SCN4A: variants seen among roughly 807,000 people sequenced by gnomAD.
The protein encoded by SCN4A is sodium voltage-gated channel alpha subunit 4.
In SCN4A, 83 loss-of-function variants were observed where a neutral mutation model predicts 162.0. The ratio of observed to expected loss-of-function variants is 0.51; its 90% CI spans 0.43 to 0.61. The LOEUF (loss-of-function observed/expected upper bound fraction) is 0.61, where lower values mean the gene tolerates loss of function less well. SCN4A is among the 20% of genes least tolerant of loss of function. The probability of loss-of-function intolerance (pLI) is 0.00; values close to 1 mark genes in which losing one functional copy is unlikely to be tolerated. For synonymous variants in SCN4A, 944 were observed against 985.1 expected (o/e 0.96, Z 0.78); for missense variants, 2,196 against 2,462.5 (o/e 0.89, Z 2.29).
chr17:63,968,730 A>T (rs1909532014), intron 5 of SCN4A, among the ~76,000 whole-genome samples: 1 of 152,226 alleles, frequency 6.6e-6, no homozygotes, highest in Admixed American at 6.5e-5. Flanking sequence ...GGGGGCGTTG[A>T]TAATGTTTGG....
intron 23 of SCN4A, among the ~76,000 whole-genome samples, chr17:63,942,383 T>C (rs898425444): frequency 6.6e-6 from 1 of 152,132 alleles, no homozygotes; most frequent in Admixed American, 6.5e-5. Flanking sequence ...TGTGCCTCAA[T>C]TTCCTTACCT....
At chr17:63,947,009 TC>T in intron 18 of SCN4A, 35 bp downstream of exon 18, 5 of 716,392 alleles carry the variant, frequency 7.0e-6, no homozygotes. Flanking sequence ...CGGTCCCCCA[TC>T]CCCAGCCCAC....
In SCN4A at chr17:63,944,944, C is replaced by G. The variant is rs1448727301; in HGVS notation, c.3774+63G>C. On this transcript the variant is annotated intron_variant, in intron 20 of 23. Coordinates refer to ENST00000435607, the MANE Select transcript of SCN4A (RefSeq NM_000334.4). This position sits in a 1 kb window ranked among gnomAD's most constrained non-coding sequence, Gnocchi z 4.3. ...GGACAGAACGTGCTGCCAAGTCTCCCTCCTGTCTTGAGTCCTCTTCCCTGG... is the reference window on the plus strand; with the variant it reads ...GGACAGAACGTGCTGCCAAGTCTCCGTCCTGTCTTGAGTCCTCTTCCCTGG... The G allele has an allele frequency of 5.6e-6, 9 of 1,596,566 alleles. No individual in the cohort carries two copies. In the Admixed American group the frequency reaches 1.5e-4, roughly 27 times the overall value.
At chr17:63,971,676 C>A in intron 4 of SCN4A, 46 bp downstream of exon 4, 1 of 1,540,078 alleles carries the variant, frequency 6.5e-7, no homozygotes, top group South Asian at 1.2e-5. Context: ...CTGGCCCCCT[C>A]CCCTCACCCA....
intron 13 of SCN4A, 26 bp downstream of exon 13, chr17:63,957,136 G>T: frequency 6.7e-7 from 1 of 1,502,718 alleles, no homozygotes; most frequent in Non-Finnish European, 9.1e-7. Context: ...GGTGAGGGCA[G>T]GGGCCACCCA....
chr17:63,942,991 C>T lies in SCN4A; in HGVS notation c.4123G>A (p.Asp1375Asn). ...TCCACCTTGAGCTGGCTCTGGTTGT[C>T]TGTCTCCACCATCATGGTGACCATG... is the stretch of plus-strand genomic sequence containing the variant. ...LNMVTMMVET[D>N]NQSQLKVDIL... Residue 1375 changes from aspartate (D) to asparagine (N), a missense_variant, in exon 23 of 24, where the codon GAC (aspartate) becomes AAC (asparagine). Coordinates refer to ENST00000435607, the MANE Select transcript of SCN4A (RefSeq NM_000334.4). 1 of 1,613,996 alleles carries T rather than the reference C, an allele frequency of 6.2e-7. No homozygotes were observed. Among genetic ancestry groups the T allele is most frequent in the Non-Finnish European group, 8.5e-7 (1 of 1,179,870 alleles).
In SCN4A at chr17:63,943,766, T is replaced by G. The variant is rs1325606610; in HGVS notation, c.3997A>C (p.Lys1333Gln). The G allele has an allele frequency of 4.3e-6, 7 of 1,611,944 alleles. No individual in the cohort carries two copies. Among genetic ancestry groups the G allele is most frequent in the Non-Finnish European group, 5.9e-6 (7 of 1,178,270 alleles). ...MKKLGSKKPQ[K>Q]PIPRPQNKIQ... ...TGTACCTGGGGCCGGGGAATTGGCT[T>G]CTGAGGCTTCTTGGAGCCAAGCTTC... The change falls in exon 22 of 24, where the codon AAG becomes CAG. Residue 1333 changes from lysine to glutamine, a missense_variant. Coordinates refer to ENST00000435607, the MANE Select transcript of SCN4A (RefSeq NM_000334.4).
chr17:63,972,194 A>G lies in SCN4A; in HGVS notation c.424T>C (p.Leu142=). 6.2e-7 allele frequency: 1 copy of G among 1,613,764 alleles called. No individual in the cohort carries two copies. The highest frequency in any genetic ancestry group is 8.5e-7 in the Non-Finnish European group (1 of 1,179,796). The part of the protein sequence containing the change: ...LFSMFIMITI[L]TNCVFMTMSD... ...ATGGTCATGAATACGCAGTTGGTCAAGATGGTGATCATGATGAACATGCTG... is the reference window on the plus strand; with the variant it reads ...ATGGTCATGAATACGCAGTTGGTCAGGATGGTGATCATGATGAACATGCTG... The change falls in exon 3 of 24, where the codon TTG becomes CTG. Residue 142 remains leucine, a synonymous_variant. Transcript: ENST00000435607. This position sits in a 1 kb window ranked among gnomAD's most constrained non-coding sequence, Gnocchi z 4.3.
rs780727752 is a variant in SCN4A, at chr17:63,961,273, C to G, written c.1765G>C (p.Val589Leu). Residue 589 changes from valine (V) to leucine (L), a missense_variant, in exon 11 of 24, where the codon GTG becomes CTG. Coordinates refer to ENST00000435607, the MANE Select transcript of SCN4A (RefSeq NM_000334.4). ...FVDLGITICI[V>L]LNTLFMAMEH... ...ATGGCCATGAAGAGGGTGTTGAGCA[C>G]GATGCAGATGGTGATGCCCAGGTCC... 2 of 1,612,842 alleles carry G rather than the reference C, an allele frequency of 1.2e-6. No homozygotes were observed. Among genetic ancestry groups the G allele is most frequent in the Non-Finnish European group, 1.7e-6 (2 of 1,179,634 alleles).
At chr17:63,971,352 G>T in intron 4 of SCN4A, 99 bp from the exon 5 acceptor site, 2 of 730,078 alleles carry the variant, frequency 2.7e-6, no homozygotes, top group Non-Finnish European at 2.4e-6. Flanking sequence ...GGATTCCCAA[G>T]AAATTGGGGG....
In SCN4A at chr17:63,946,462, G is replaced by GCCC. The variant is rs374261223; in HGVS notation, c.3441+580_3441+582dup. Among the ~76,000 whole-genome samples the GCCC allele has an allele frequency of 4.8e-3, 516 of 106,650 alleles. 26 individuals are homozygous for GCCC. Among genetic ancestry groups the GCCC allele is most frequent in the Non-Finnish European group, 6.7e-3 (366 of 54,422 alleles). 70.0% of individuals were successfully genotyped at this position (106,650 alleles called of 152,430 possible). A position where few individuals can be genotyped will look rare whatever the true frequency, so the allele number is the denominator to read the frequency against. On this transcript the variant is annotated intron_variant, in intron 18 of 23. Transcript: ENST00000435607. ...TTCCTGGGGAAGTCCCATTTTTCTT[G>GCCC]CCCCCCCCCCCACCCCGCCGCAACC...
In SCN4A at chr17:63,948,707, C is replaced by T. The variant is rs1367987233; in HGVS notation, c.3048G>A (p.Lys1016=). 6.2e-7 allele frequency: 1 copy of T among 1,613,462 alleles called. No individual in the cohort carries two copies. The highest frequency in any genetic ancestry group is 1.3e-5 in the African/African-American group (1 of 74,934). ...YVDISQGRGK[K]WWTLRRACFK... ...AGCAGGCCCTGCGCAGAGTCCACCA[C>T]TTCTTCCCACGGCCCTGGGAGATGT... The change falls in exon 16 of 24, where the codon AAG becomes AAA. Residue 1016 remains lysine, a synonymous_variant. Transcript: ENST00000435607.
chr17:63,959,511 C>T, intron 11 of SCN4A, 73 bp from the exon 12 acceptor site: 2 of 1,447,488 alleles, frequency 1.4e-6, no homozygotes, highest in Non-Finnish European at 1.9e-6. Context: ...CACCCAACTC[C>T]CACCTCCTGG....
chr17:63,970,052 A>G (rs893115541), intron 5 of SCN4A, among the ~76,000 whole-genome samples: 2 of 151,976 alleles, frequency 1.3e-5, no homozygotes, highest in Non-Finnish European at 2.9e-5. Flanking sequence ...GTTTCTCCAC[A>G]TGCTCTTTTG....
chr17:63,957,495 C>G lies in SCN4A; in HGVS notation c.2043G>C (p.Lys681Asn), dbSNP rs749719065. The change falls in exon 13 of 24, where the codon AAG (lysine) becomes AAC (asparagine). Residue 681 changes from lysine to asparagine, a missense_variant. Coordinates refer to ENST00000435607, the MANE Select transcript of SCN4A (RefSeq NM_000334.4). ...FRLLRVFKLA[K>N]SWPTLNMLIK... is the part of the protein sequence containing the mutation. ...TGAGCATGTTCAGCGTTGGCCACGA[C>G]TTGGCCAGCTTGAAGACCCGCAGCT... The G allele has an allele frequency of 6.2e-7, 1 of 1,611,422 alleles. No homozygotes were observed. The highest frequency in any genetic ancestry group is 1.1e-5 in the South Asian group (1 of 91,034).
chr17:63,959,321 C>G lies in SCN4A; in HGVS notation c.1963G>C (p.Val655Leu). 6.2e-7 allele frequency: 1 copy of G among 1,613,988 alleles called. No homozygotes were observed. The highest frequency in any genetic ancestry group is 8.5e-7 in the Non-Finnish European group (1 of 1,179,870). The change falls in exon 12 of 24, where the codon GTA becomes CTA. Residue 655 changes from valine (V) to leucine (L), a missense_variant. Physicochemically the swap from Val to Leu is conservative, Grantham distance 32. Transcript: ENST00000435607. ...TGTACGTTGGCCAGGCCTAGCTCTA[C>G]CAGGCTGAGGGTGACGATGATGCTG... The part of the protein sequence containing the change: ...FDSIIVTLSL[V>L]ELGLANVQGL...
chr17:63,971,465 A>C (rs1909607181), intron 4 of SCN4A, among the ~76,000 whole-genome samples: 2 of 152,146 alleles, frequency 1.3e-5, no homozygotes, highest in Admixed American at 1.3e-4. Flanking sequence ...GGGGATGGCA[A>C]AGATAGCCCG....
In SCN4A at chr17:63,941,342, AG is replaced by A; in HGVS notation, c.4939del (p.Leu1647CysfsTer5). The A allele has an allele frequency of 6.2e-7, 1 of 1,613,908 alleles. No homozygotes were observed. The highest frequency in any genetic ancestry group is 1.1e-5 in the South Asian group (1 of 91,082). ...CTTGGCAATCCTCAGCGGTTCCTGCAGGGTGTCCACGAAGTCTGAGAGGCGG... is the reference window on the plus strand; with the variant it reads ...CTTGGCAATCCTCAGCGGTTCCTGCAGGTGTCCACGAAGTCTGAGAGGCGG... ...YSRLSDFVDT[L>X]QEPLRIAKPN... On this transcript the variant is annotated frameshift_variant, in exon 24 of 24. Transcript: ENST00000435607. LOFTEE classifies it low-confidence loss of function (END_TRUNC). This position sits in a 1 kb window ranked among gnomAD's most constrained non-coding sequence, Gnocchi z 6.2.
At position 63,957,512 on chromosome 17, in the gene SCN4A, C is replaced by G; in HGVS notation, c.2026G>C (p.Val676Leu). 1 of 1,609,194 alleles carries G rather than the reference C, an allele frequency of 6.2e-7. No individual in the cohort carries two copies. The highest frequency in any genetic ancestry group is 8.5e-7 in the Non-Finnish European group (1 of 1,176,214). The change falls in exon 13 of 24, where the codon GTC becomes CTC. Residue 676 changes from valine (V) to leucine (L), a missense_variant. Transcript: ENST00000435607. Reference protein sequence around the residue: ...SVLRSFRLLRVFKLAKSWPTL... With the variant: ...SVLRSFRLLRLFKLAKSWPTL... ...GGCCACGACTTGGCCAGCTTGAAGA[C>G]CCGCAGCTGCCAAGCAGGGAGGGCA...
Sources: gnomAD v4.1 joint callset for allele counts (sites outside exome capture counted in the v4.1 genomes callset) on GRCh38, gnomAD v4.1.1 for gene constraint, Gnocchi (gnomAD v3.1) non-coding constraint, MANE v1.5 for transcripts, NCBI Gene and HGNC (gene_info 2026-07-23, HGNC 2026-07-21) for gene names.